Variants in MTMR4 observed in about 807,000 individuals in gnomAD.
MTMR4 encodes phosphatidylinositol-3,5-bisphosphate 3-phosphatase MTMR4.
A neutral mutation model predicts 125.5 loss-of-function variants in MTMR4; 30 were observed. That is an observed-to-expected ratio of 0.24 (90% confidence interval 0.18 to 0.32). MTMR4 has a LOEUF of 0.32. Among genes scored for constraint, MTMR4 ranks in the 10% least tolerant of loss-of-function variants. MTMR4 has a pLI of 1.00. For synonymous variants in MTMR4, 498 were observed against 564.5 expected (o/e 0.88, Z 1.67); for missense variants, 1,039 against 1,511.5 (o/e 0.69, Z 5.18).
chr17:58,494,823 C>T, intron 15 of MTMR4, 109 bp downstream of exon 15: 3 of 957,114 alleles, frequency 3.1e-6, no homozygotes, highest in Non-Finnish European at 4.7e-6. Context: ...ATAGCCCAGG[C>T]ACCTAACTCA....
At chr17:58,506,978 C>T (rs1975793160) in intron 8 of MTMR4, 107 bp from the exon 9 acceptor site, 1 of 1,550,034 alleles carries the variant, frequency 6.5e-7, no homozygotes, top group Non-Finnish European at 8.8e-7. Flanking sequence ...AGAGACCCCT[C>T]ATACCCCACA....
At chr17:58,518,806 T>G (rs1336849216), upstream of MTMR4, among the ~76,000 whole-genome samples, 1 of 152,054 alleles carries the variant, frequency 6.6e-6, no homozygotes, top group East Asian at 1.9e-4. Flanking sequence ...CCGACAGAAA[T>G]GGAGAACAGT....
chr17:58,509,202 C>A (rs1975861240), intron 4 of MTMR4, among the ~76,000 whole-genome samples: 1 of 151,814 alleles, frequency 6.6e-6, no homozygotes, highest in African/African-American at 2.4e-5. Context: ...TAACTCAAAC[C>A]TTCTGCTTCA....
chr17:58,504,280 T>C lies in MTMR4; in HGVS notation c.1527+23A>G. The C allele has an allele frequency of 6.2e-7, 1 of 1,606,840 alleles. No individual in the cohort carries two copies. The highest frequency in any genetic ancestry group is 8.5e-7 in the Non-Finnish European group (1 of 1,173,816). On this transcript the variant is annotated intron_variant, in intron 12 of 17. Coordinates refer to ENST00000682306, the MANE Select transcript of MTMR4 (RefSeq NM_001378067.1). The surrounding 1 kb of genome is among the most constrained non-coding windows in gnomAD (Gnocchi z 7.1). ...CGGGCTGTCATTCCCCCCATCCCTGTTGTCACAGGCCTTAGGACTTACCAG... is the reference window on the plus strand; with the variant it reads ...CGGGCTGTCATTCCCCCCATCCCTGCTGTCACAGGCCTTAGGACTTACCAG...
intron 1 of MTMR4, among the ~76,000 whole-genome samples, chr17:58,513,660 G>A (rs533463863): frequency 1.4e-4 from 21 of 152,058 alleles, no homozygotes; most frequent in Admixed American, 6.5e-4. Flanking sequence ...GGATCCACGC[G>A]CCTGGGAGGA....
chr17:58,496,265 C>T lies in MTMR4; in HGVS notation c.1919G>A (p.Arg640His), dbSNP rs749303819. The change falls in exon 15 of 18, where the codon CGT becomes CAT. Residue 640 changes from arginine to histidine, a missense_variant. This residue lies in a region of MTMR4 where 619 missense variants were observed against 714.5 expected (regional missense o/e 0.87). Coordinates refer to ENST00000682306, the MANE Select transcript of MTMR4 (RefSeq NM_001378067.1). ...SACDTSSPLT[R>H]TSSDPNLNNH... Reference sequence around the variant, plus strand: ...ATTCAGGTTAGGGTCACTGGATGTACGAGTCAGGGGGCTGCTTGTGTCACA... The same window carrying T: ...ATTCAGGTTAGGGTCACTGGATGTATGAGTCAGGGGGCTGCTTGTGTCACA... 2.8e-5 allele frequency: 45 copies of T among 1,613,864 alleles called. No homozygotes were observed. Among genetic ancestry groups the T allele is most frequent in the African/African-American group, 5.3e-5 (4 of 74,850 alleles).
intron 14 of MTMR4, among the ~76,000 whole-genome samples, chr17:58,501,591 C>CAT (rs768427047): frequency 6.0e-5 from 9 of 150,774 alleles, no homozygotes; most frequent in Non-Finnish European, 1.0e-4. Flanking sequence ...ATATAGTATA[C>CAT]ATATATACAC....
At position 58,514,597 on chromosome 17, in the gene MTMR4, G is replaced by A. The variant is rs1003276933; in HGVS notation, c.-190C>T. 2 of 985,204 alleles carry A rather than the reference G, an allele frequency of 2.0e-6. No homozygotes were observed. Among genetic ancestry groups the A allele is most frequent in the Non-Finnish European group, 1.2e-6 (1 of 829,870 alleles). 61.0% of individuals were successfully genotyped at this position (985,204 alleles called of 1,614,324 possible). Reference sequence around the variant, plus strand: ...TCTCCCCTCCTCTCCACAATGGAGCGGGCCCAGCTCCGCCCTCCCGCACGA... The same window carrying A: ...TCTCCCCTCCTCTCCACAATGGAGCAGGCCCAGCTCCGCCCTCCCGCACGA... On this transcript the variant is annotated 5_prime_UTR_variant, in exon 1 of 18. Coordinates refer to ENST00000682306, the MANE Select transcript of MTMR4 (RefSeq NM_001378067.1).
chr17:58,497,159 G>C (rs1975491958), intron 14 of MTMR4, among the ~76,000 whole-genome samples: 2 of 152,198 alleles, frequency 1.3e-5, no homozygotes, highest in South Asian at 2.1e-4. Context: ...ATTCACCAGG[G>C]AAACAGTAGA....
Position 58,491,603 on chromosome 17 carries a change from A to G in MTMR4, c.*60T>C. ...GCCACACCAAGGAACCTTCCAAACT[A>G]CAACTGAAGAAGATCCTCCCTTCAA... On this transcript the variant is annotated 3_prime_UTR_variant, in exon 18 of 18. Coordinates refer to ENST00000682306, the MANE Select transcript of MTMR4 (RefSeq NM_001378067.1). 1 of 1,532,994 alleles carries G rather than the reference A, an allele frequency of 6.5e-7. No individual in the cohort carries two copies. Among genetic ancestry groups the G allele is most frequent in the African/African-American group, 1.4e-5 (1 of 73,030 alleles). The allele number at this position is 1,532,994 out of a possible 1,614,324, so 95.0% of individuals were successfully genotyped here.
chr17:58,516,664 T>C, upstream of MTMR4: 1 of 1,538,794 alleles, frequency 6.5e-7, no homozygotes, highest in East Asian at 2.2e-5. Flanking sequence ...CCCATTAACA[T>C]TACCATAGAA....
At chr17:58,513,867 G>A (rs749398561) in intron 1 of MTMR4, 5 of 152,508 alleles carry the variant, frequency 3.3e-5, no homozygotes, top group Non-Finnish European at 7.3e-5. Flanking sequence ...GAGAAGAGAG[G>A]CTGTCTGGGG....
intron 14 of MTMR4, among the ~76,000 whole-genome samples, chr17:58,499,789 A>ATTTT (rs368767094): frequency 2.1e-5 from 3 of 141,200 alleles, no homozygotes; most frequent in African/African-American, 7.8e-5. Flanking sequence ...CGCCCGGCTA[A>ATTTT]TTTTTTTTTT....
Position 58,495,680 on chromosome 17 carries a change from G to T in MTMR4, c.2504C>A (p.Ala835Asp). Residue 835 changes from alanine (A) to aspartate (D), a missense_variant, in exon 15 of 18, where the codon GCC becomes GAC. By Grantham distance (126) the Ala-to-Asp change is moderately radical. Coordinates refer to ENST00000682306, the MANE Select transcript of MTMR4 (RefSeq NM_001378067.1). ...LSTVCNPPSA[A>D]CQTPLDPSTD... is the part of the protein sequence containing the mutation. Reference sequence around the variant, plus strand: ...GCTTGGGTCTAGAGGAGTTTGGCAGGCAGCACTCGGTGGGTTGCAAACGGT... The same window carrying T: ...GCTTGGGTCTAGAGGAGTTTGGCAGTCAGCACTCGGTGGGTTGCAAACGGT... 6.2e-7 allele frequency: 1 copy of T among 1,614,218 alleles called. No individual in the cohort carries two copies. Among genetic ancestry groups the T allele is most frequent in the Non-Finnish European group, 8.5e-7 (1 of 1,180,040 alleles).
chr17:58,506,593 A>T, intron 9 of MTMR4, 150 bp downstream of exon 9: 1 of 933,614 alleles, frequency 1.1e-6, no homozygotes, highest in Non-Finnish European at 1.6e-6. Flanking sequence ...ACTTCAGCAT[A>T]GTCATAGCCA....
At chr17:58,510,576 G>C (rs1429995260) in intron 4 of MTMR4, 1 of 152,152 alleles carries the variant, frequency 6.6e-6, no homozygotes, top group Non-Finnish European at 1.5e-5. Flanking sequence ...AGGCTCAAGA[G>C]GTCCTCCTAT....
chr17:58,510,142 A>G (rs1044760988), intron 4 of MTMR4, among the ~76,000 whole-genome samples: 6 of 152,142 alleles, frequency 3.9e-5, no homozygotes, highest in Admixed American at 3.3e-4. Flanking sequence ...GTGTGATTCT[A>G]TGAAACATTA....
intron 15 of MTMR4, among the ~76,000 whole-genome samples, chr17:58,493,270 C>CA (rs1270220318): frequency 2.6e-4 from 40 of 152,396 alleles, no homozygotes; most frequent in African/African-American, 9.4e-4. Context: ...GCCCACAGGC[C>CA]AAACTAGCCC....
At chr17:58,502,642 A>G (rs2143883162) in intron 14 of MTMR4, among the ~76,000 whole-genome samples, 1 of 152,352 alleles carries the variant, frequency 6.6e-6, no homozygotes, top group South Asian at 2.1e-4. Flanking sequence ...TGAGAAGACA[A>G]CCTAATACAA....
Sources: gnomAD v4.1 joint callset for allele counts (sites outside exome capture counted in the v4.1 genomes callset) on GRCh38, gnomAD v4.1.1 for gene constraint, gnomAD v4.1.1 regional missense constraint, Gnocchi (gnomAD v3.1) non-coding constraint, MANE v1.5 for transcripts, NCBI Gene and HGNC (gene_info 2026-07-23, HGNC 2026-07-21) for gene names.